Variants in RPS15 observed in about 807,000 individuals in gnomAD.
RPS15 encodes the protein small ribosomal subunit protein uS19.
RPS15 carries 5 observed loss-of-function variants against 14.9 expected under a neutral mutation model. That is an observed-to-expected ratio of 0.34 (90% CI 0.18 to 0.70). The LOEUF is 0.70. Among genes scored for constraint, RPS15 ranks in the 30% least tolerant of loss-of-function variants. The probability of loss-of-function intolerance (pLI) is 0.65; values close to 1 mark genes in which losing one functional copy is unlikely to be tolerated. For synonymous variants in RPS15, 103 were observed against 85.0 expected, an observed-to-expected ratio of 1.21 and a Z score of -1.16; for missense variants, 102 against 204.2, an observed-to-expected ratio of 0.50 and a Z score of 3.05.
chr19:1,439,938 C>T (rs963892020), intron 2 of RPS15, 81 bp from the exon 3 acceptor site: 3 of 1,161,040 alleles, frequency 2.6e-6, no homozygotes, highest in Admixed American at 2.0e-5. Flanking sequence ...GAGAACCAAG[C>T]CTTAGTTCTC....
At chr19:1,439,504 C>A (rs2144989360) in intron 2 of RPS15, 1 of 211,392 alleles carries the variant, frequency 4.7e-6, no homozygotes, top group East Asian at 1.2e-4. Flanking sequence ...AGGTGATCCA[C>A]CTGCCTCGGC....
chr19:1,440,279 G>A (rs748525817), intron 3 of RPS15, 26 bp downstream of exon 3: 1 of 1,611,140 alleles, frequency 6.2e-7, no homozygotes, highest in South Asian at 1.1e-5. Context: ...CCTGCCGGCT[G>A]GGGTGGGCTG....
chr19:1,440,199 G>A lies in RPS15; in HGVS notation c.270G>A (p.Val90=). The A allele has an allele frequency of 1.2e-6, 2 of 1,613,160 alleles. No individual in the cohort carries two copies. The highest frequency in any genetic ancestry group is 1.7e-6 in the Non-Finnish European group (2 of 1,179,774). The change falls in exon 3 of 4, where the codon GTG becomes GTA. Residue 90 remains valine (V), a synonymous_variant. Coordinates refer to ENST00000592588, the MANE Select transcript of RPS15 (RefSeq NM_001018.5). ...LRDMIILPEM[V]GSMVGVYNGK... ...ACATGATCATCCTACCCGAGATGGT[G>A]GGCAGCATGGTGGGCGTCTACAACG... is the stretch of plus-strand genomic sequence containing the variant.
Position 1,440,045 on chromosome 19 carries a change from CGCGCCA to C in RPS15, c.120_125del (p.Gln41_Arg42del). The C allele has an allele frequency of 6.4e-7, 1 of 1,555,394 alleles. No individual in the cohort carries two copies. The highest frequency in any genetic ancestry group is 8.7e-7 in the Non-Finnish European group (1 of 1,150,472). ...GAGCAGCTGATGCAGCTGTACAGTGCGCGCCAGCGGCGGCGGCTGAACCGGGGCCTG... is the reference window on the plus strand; with the variant it reads ...GAGCAGCTGATGCAGCTGTACAGTGCGCGGCGGCGGCTGAACCGGGGCCTG... On this transcript the variant is annotated inframe_deletion, in exon 3 of 4. Coordinates refer to ENST00000592588, the MANE Select transcript of RPS15 (RefSeq NM_001018.5).
intron 3 of RPS15, 23 bp from the exon 4 acceptor site, chr19:1,440,326 G>T (rs1376807303): frequency 6.2e-7 from 1 of 1,612,704 alleles, no homozygotes; most frequent in South Asian, 1.1e-5. Context: ...CTGACACCCA[G>T]CTTTGCTCTT....
chr19:1,438,830 G>A lies in RPS15; in HGVS notation c.27G>A (p.Lys9=). Residue 9 remains lysine (K), a synonymous_variant, in exon 2 of 4, where the codon AAG becomes AAA. Transcript: ENST00000592588. This position sits in a 1 kb window ranked among gnomAD's most constrained non-coding sequence, Gnocchi z 4.8. ...AGGCAGAAGTAGAGCAGAAGAAGAA[G>A]CGGACCTTCCGCAAGTTCACCTACC... MAEVEQKK[K]RTFRKFTYRG... is the part of the protein sequence containing the mutation. The A allele has an allele frequency of 6.3e-7, 1 of 1,597,064 alleles. No homozygotes were observed. Among genetic ancestry groups the A allele is most frequent in the South Asian group, 1.1e-5 (1 of 88,834 alleles).
chr19:1,438,495 G>T lies in RPS15; in HGVS notation c.3+67G>T. The T allele has an allele frequency of 1.2e-6, 2 of 1,611,508 alleles. No homozygotes were observed. Among genetic ancestry groups the T allele is most frequent in the Non-Finnish European group, 1.7e-6 (2 of 1,179,264 alleles). The stretch of plus-strand genomic sequence containing the variant: ...GCTCCATCCAACCTCTGACCGTCTC[G>T]CGGGGGCCGCAGTTCGTCCCCGCGG... On this transcript the variant is annotated intron_variant, in intron 1 of 3. Coordinates refer to ENST00000592588, the MANE Select transcript of RPS15 (RefSeq NM_001018.5). This position sits in a 1 kb window ranked among gnomAD's most constrained non-coding sequence, Gnocchi z 4.8.
chr19:1,438,586 T>C lies in RPS15; in HGVS notation c.3+158T>C, dbSNP rs2083627096. 2 of 1,551,668 alleles carry C rather than the reference T, an allele frequency of 1.3e-6. No individual in the cohort carries two copies. Among genetic ancestry groups the C allele is most frequent in the South Asian group, 2.3e-5 (2 of 85,488 alleles). On this transcript the variant is annotated intron_variant, in intron 1 of 3. Coordinates refer to ENST00000592588, the MANE Select transcript of RPS15 (RefSeq NM_001018.5). This position sits in a 1 kb window ranked among gnomAD's most constrained non-coding sequence, Gnocchi z 4.8. ...TGGGGCGAGGGGCGGACTTGGTGGG[T>C]GTCGGGACGACGCGGGGCTGGGAAG...
intron 2 of RPS15, chr19:1,439,630 A>G: frequency 2.0e-6 from 1 of 508,836 alleles, no homozygotes. Flanking sequence ...CCTGGGCTCA[A>G]GCGACCCTCC....
Position 1,438,698 on chromosome 19 carries a change from G to T in RPS15, c.4-109G>T. 1 of 1,533,320 alleles carries T rather than the reference G, an allele frequency of 6.5e-7. No homozygotes were observed. The highest frequency in any genetic ancestry group is 8.8e-7 in the Non-Finnish European group (1 of 1,133,556). 95.0% of individuals were successfully genotyped at this position (1,533,320 alleles called of 1,614,324 possible). A position where few individuals can be genotyped will look rare whatever the true frequency, so the allele number is the denominator to read the frequency against. ...CGGGTCGAAGCGGTGTGTCCCTGTC[G>T]GGCTTCTGTCCCCGGCGGCGCCGCG... On this transcript the variant is annotated intron_variant, in intron 1 of 3. Coordinates refer to ENST00000592588, the MANE Select transcript of RPS15 (RefSeq NM_001018.5). The surrounding 1 kb of genome is among the most constrained non-coding windows in gnomAD (Gnocchi z 4.8).
rs774686705 is a variant in RPS15, at chr19:1,438,791, A to G, written c.4-16A>G. On this transcript the variant is annotated splice_polypyrimidine_tract_variant and intron_variant, in intron 1 of 3. Transcript: ENST00000592588. The surrounding 1 kb of genome is among the most constrained non-coding windows in gnomAD (Gnocchi z 4.8). Reference sequence around the variant, plus strand: ...GGTGTCGGGATCCCGCTGACGCCCGATCCGCGCCCGCACAGGCAGAAGTAG... The same window carrying G: ...GGTGTCGGGATCCCGCTGACGCCCGGTCCGCGCCCGCACAGGCAGAAGTAG... 5.1e-6 allele frequency: 8 copies of G among 1,583,014 alleles called. No homozygotes were observed. The highest frequency in any genetic ancestry group is 1.4e-5 in the African/African-American group (1 of 74,052).
chr19:1,439,726 C>T (rs2083638044), intron 2 of RPS15: 1 of 595,290 alleles, frequency 1.7e-6, no homozygotes, highest in Admixed American at 3.0e-5. Context: ...AGGCCTTTGG[C>T]CCGAGCTGTA....
chr19:1,438,971 G>C lies in RPS15; in HGVS notation c.89+79G>C. On this transcript the variant is annotated intron_variant, in intron 2 of 3. Coordinates refer to ENST00000592588, the MANE Select transcript of RPS15 (RefSeq NM_001018.5). The surrounding 1 kb of genome is among the most constrained non-coding windows in gnomAD (Gnocchi z 4.8). ...TCCGGGTGAGGGCGGCGGGGCGGGGGTCCAAGCGCCTCTGCGGCGGTGGGC... is the reference window on the plus strand; with the variant it reads ...TCCGGGTGAGGGCGGCGGGGCGGGGCTCCAAGCGCCTCTGCGGCGGTGGGC... 8.0e-7 allele frequency: 1 copy of C among 1,243,752 alleles called. No homozygotes were observed. The highest frequency in any genetic ancestry group is 1.1e-6 in the Non-Finnish European group (1 of 881,346). The allele number at this position is 1,243,752 out of a possible 1,614,324, so 77.0% of individuals were successfully genotyped here.
In RPS15 at chr19:1,440,456, C is replaced by T. The variant is rs200097056; in HGVS notation, c.432C>T (p.Leu144=). Residue 144 remains leucine (L), a synonymous_variant, in exon 4 of 4, where the codon CTC becomes CTT. Coordinates refer to ENST00000592588, the MANE Select transcript of RPS15 (RefSeq NM_001018.5). ...CCCACTCCTCCCGCTTCATCCCTCT[C>T]AAGTAATGGCTCAGCTAATAAAGGC... The part of the protein sequence containing the change: ...GATHSSRFIP[L]K The T allele has an allele frequency of 3.1e-6, 5 of 1,609,858 alleles. No individual in the cohort carries two copies. In the African/African-American group the frequency reaches 6.7e-5, roughly 22 times the overall value.
In RPS15 at chr19:1,438,984, TGCGGCGGTGGGCGG is replaced by T; in HGVS notation, c.89+95_89+108del. 2.3e-6 allele frequency: 2 copies of T among 853,996 alleles called. No individual in the cohort carries two copies. The highest frequency in any genetic ancestry group is 3.5e-6 in the Non-Finnish European group (2 of 564,758). 52.9% of individuals were successfully genotyped at this position (853,996 alleles called of 1,614,324 possible). On this transcript the variant is annotated intron_variant, in intron 2 of 3. Coordinates refer to ENST00000592588, the MANE Select transcript of RPS15 (RefSeq NM_001018.5). This position sits in a 1 kb window ranked among gnomAD's most constrained non-coding sequence, Gnocchi z 4.8. ...GGCGGGGCGGGGGTCCAAGCGCCTCTGCGGCGGTGGGCGGGCACGGTCTCCGCGCGGGTTTGGAA... is the reference window on the plus strand; with the variant it reads ...GGCGGGGCGGGGGTCCAAGCGCCTCTGCACGGTCTCCGCGCGGGTTTGGAA...
In RPS15 at chr19:1,438,482, C is replaced by G. The variant is rs1212052101; in HGVS notation, c.3+54C>G. ...CCGGGCCTATCCGGCTCCATCCAACCTCTGACCGTCTCGCGGGGGCCGCAG... is the reference window on the plus strand; with the variant it reads ...CCGGGCCTATCCGGCTCCATCCAACGTCTGACCGTCTCGCGGGGGCCGCAG... On this transcript the variant is annotated intron_variant, in intron 1 of 3. Transcript: ENST00000592588. The surrounding 1 kb of genome is among the most constrained non-coding windows in gnomAD (Gnocchi z 4.8). 3.7e-6 allele frequency: 6 copies of G among 1,612,622 alleles called. 1 individual carries two copies. The highest frequency in any genetic ancestry group is 4.2e-6 in the Non-Finnish European group (5 of 1,179,762).
chr19:1,439,064 T>G (rs781295219), intron 2 of RPS15, 172 bp downstream of exon 2: 26 of 593,432 alleles, frequency 4.4e-5, no homozygotes, highest in Non-Finnish European at 7.2e-5. Context: ...CCAGAGACGT[T>G]GAGGTTTTTG....
Position 1,438,965 on chromosome 19 carries a change from G to A in RPS15, c.89+73G>A. 7.3e-7 allele frequency: 1 copy of A among 1,365,100 alleles called. No individual in the cohort carries two copies. The highest frequency in any genetic ancestry group is 1.3e-5 in the South Asian group (1 of 79,276). The allele number at this position is 1,365,100 out of a possible 1,614,324, so 84.6% of individuals were successfully genotyped here. A position where few individuals can be genotyped will look rare whatever the true frequency, so the allele number is the denominator to read the frequency against. ...GGCTTGTCCGGGTGAGGGCGGCGGG[G>A]CGGGGGTCCAAGCGCCTCTGCGGCG... is the stretch of plus-strand genomic sequence containing the variant. On this transcript the variant is annotated intron_variant, in intron 2 of 3. Transcript: ENST00000592588. This position sits in a 1 kb window ranked among gnomAD's most constrained non-coding sequence, Gnocchi z 4.8.
At chr19:1,439,768 C>T (rs953575084) in intron 2 of RPS15, 2 of 613,738 alleles carry the variant, frequency 3.3e-6, no homozygotes, top group South Asian at 1.9e-5. Flanking sequence ...GCTGTGGTCT[C>T]CGGGCCGCTT....
Sources: allele counts gnomAD v4.1 joint callset, GRCh38; gene constraint gnomAD v4.1.1; non-coding constraint Gnocchi (gnomAD v3.1); transcripts MANE v1.5; gene names NCBI Gene and HGNC (gene_info 2026-07-23, HGNC 2026-07-21).